Variants in RFX2 observed in about 807,000 individuals in gnomAD.
RFX2 encodes the protein DNA-binding protein RFX2.
RFX2 carries 20 observed loss-of-function variants against 87.8 expected under a neutral mutation model. The ratio of observed to expected loss-of-function variants is 0.23; its 90% CI spans 0.16 to 0.33. The LOEUF (loss-of-function observed/expected upper bound fraction) is 0.33. Among genes scored for constraint, RFX2 ranks in the 10% least tolerant of loss-of-function variants. The pLI, the probability that RFX2 is intolerant of heterozygous loss-of-function variation, is 1.00. For synonymous variants in RFX2, 397 were observed against 431.3 expected (o/e 0.92, Z 0.98); for missense variants, 767 against 1,012.3 (o/e 0.76, Z 3.29).
rs919628979 is a variant in RFX2, at chr19:6,083,437, AT to A, written c.-9+26955del. On this transcript the variant is annotated intron_variant, in intron 1 of 17. Transcript: ENST00000303657. This position sits in a 1 kb window ranked among gnomAD's most constrained non-coding sequence, Gnocchi z 4.6. ...ATATCATTTTCATGTGTCACAAAATATTTTGTCTTGTTTCCAATCATTTAAA... is the reference window on the plus strand; with the variant it reads ...ATATCATTTTCATGTGTCACAAAATATTTGTCTTGTTTCCAATCATTTAAA... Among the ~76,000 whole-genome samples the A allele has an allele frequency of 4.0e-5, 6 of 151,706 alleles. No individual in the cohort carries two copies. Among genetic ancestry groups the A allele is most frequent in the African/African-American group, 1.5e-4 (6 of 41,222 alleles).
rs2086817908 is a variant in RFX2, at chr19:6,021,962, G to GT, written c.597+4200dup. Among the ~76,000 whole-genome samples the GT allele has an allele frequency of 6.6e-6, 1 of 152,146 alleles. No homozygotes were observed. Among genetic ancestry groups the GT allele is most frequent in the South Asian group, 2.1e-4 (1 of 4,830 alleles). ...TCGGGAAGTAGTCGAAGTGGAGGAG[G>GT]TGGGGGGTGCCACCTGGTTCTGGAT... On this transcript the variant is annotated intron_variant, in intron 6 of 17. Transcript: ENST00000303657. This position sits in a 1 kb window ranked among gnomAD's most constrained non-coding sequence, Gnocchi z 5.7.
chr19:6,034,196 T>A (rs936860660), intron 5 of RFX2, among the ~76,000 whole-genome samples: 2 of 150,684 alleles, frequency 1.3e-5, no homozygotes, highest in Non-Finnish European at 3.0e-5. Context: ...TCAGCCTCCT[T>A]AGTAGCTGGG....
In RFX2 at chr19:6,047,781, C is replaced by T. The variant is rs148075287; in HGVS notation, c.-8-277G>A. Among the ~76,000 whole-genome samples, 19 of 152,260 alleles carry T rather than the reference C, an allele frequency of 1.2e-4. 1 individual carries two copies. Among genetic ancestry groups the T allele is most frequent in the South Asian group, 4.1e-4 (2 of 4,820 alleles). ...TGGCAGGAATTCCTCAACAGAAGGC[C>T]GGGACACTGGCTCTGTGCCCAAGTC... On this transcript the variant is annotated intron_variant, in intron 1 of 17. Transcript: ENST00000303657. The surrounding 1 kb of genome is among the most constrained non-coding windows in gnomAD (Gnocchi z 4.2).
chr19:6,016,115 G>T lies in RFX2; in HGVS notation c.754C>A (p.Leu252Met). 1 of 1,610,864 alleles carries T rather than the reference G, an allele frequency of 6.2e-7. No homozygotes were observed. The change falls in exon 7 of 18, where the codon CTG becomes ATG. Residue 252 changes from leucine (L) to methionine (M), a missense_variant. Around this residue, in one of 2 missense-constraint regions of RFX2, gnomAD observed 621 missense variants for 873.0 expected, o/e 0.71. Transcript: ENST00000303657. This position sits in a 1 kb window ranked among gnomAD's most constrained non-coding sequence, Gnocchi z 5.4. ...GKLIRSVFMG[L>M]RTRRLGTRGN... ...CTGGTGCCCAGCCGCCGCGTTCTCA[G>T]CCCCATAAACACAGAACGGATCAGT...
Position 6,044,538 on chromosome 19 carries a change from C to T in RFX2, c.91-256G>A, listed in dbSNP as rs113791110. Among the ~76,000 whole-genome samples the T allele has an allele frequency of 0.023, 3,471 of 152,322 alleles. 138 individuals are homozygous for T. Among genetic ancestry groups the T allele is most frequent in the African/African-American group, 0.08 (3,307 of 41,556 alleles). On this transcript the variant is annotated intron_variant, in intron 2 of 17. Coordinates refer to ENST00000303657, the MANE Select transcript of RFX2 (RefSeq NM_000635.4). The surrounding 1 kb of genome is among the most constrained non-coding windows in gnomAD (Gnocchi z 5.3). ...GTGCACATACACTCAGCCCATGCAC[C>T]ACACATATGCACGAATTGTGGGCAC...
At chr19:6,029,255 G>A (rs564039967) in intron 5 of RFX2, among the ~76,000 whole-genome samples, 81 of 137,948 alleles carry the variant, frequency 5.9e-4, no homozygotes, top group African/African-American at 1.8e-3. Flanking sequence ...TATGAGGCAC[G>A]CAAAAAAAAA....
In RFX2 at chr19:6,045,193, A is replaced by C. The variant is rs2087170598; in HGVS notation, c.91-911T>G. 6.6e-6 allele frequency among the ~76,000 whole-genome samples: 1 copy of C among 152,180 alleles called. No homozygotes were observed. Among genetic ancestry groups the C allele is most frequent in the Admixed American group, 6.5e-5 (1 of 15,280 alleles). ...GTTGCAGGAGTGGAGCTAAGGATGAAGATGGTGCTAATAAGGATGCCAGCG... is the reference window on the plus strand; with the variant it reads ...GTTGCAGGAGTGGAGCTAAGGATGACGATGGTGCTAATAAGGATGCCAGCG... On this transcript the variant is annotated intron_variant, in intron 2 of 17. Transcript: ENST00000303657. The surrounding 1 kb of genome is among the most constrained non-coding windows in gnomAD (Gnocchi z 5.2).
rs182050237 is a variant in RFX2, at chr19:6,083,185, G to A, written c.-9+27208C>T. 1.4e-4 allele frequency among the ~76,000 whole-genome samples: 22 copies of A among 152,288 alleles called. No homozygotes were observed. The East Asian group carries it at 3.7e-3, about 25-fold the overall frequency. ...GCTTCCTAGAGTGCTAGAATTACAG[G>A]CATGAGCCACTGTGCCCGGCCTTCA... is the stretch of plus-strand genomic sequence containing the variant. On this transcript the variant is annotated intron_variant, in intron 1 of 17. Coordinates refer to ENST00000303657, the MANE Select transcript of RFX2 (RefSeq NM_000635.4). This position sits in a 1 kb window ranked among gnomAD's most constrained non-coding sequence, Gnocchi z 4.6.
chr19:5,999,884 T>C lies in RFX2; in HGVS notation c.1859+1931A>G, dbSNP rs567079354. Among the ~76,000 whole-genome samples the C allele has an allele frequency of 6.6e-6, 1 of 151,694 alleles. No homozygotes were observed. Among genetic ancestry groups the C allele is most frequent in the South Asian group, 2.1e-4 (1 of 4,786 alleles). On this transcript the variant is annotated intron_variant, in intron 15 of 17. Transcript: ENST00000303657. This position sits in a 1 kb window ranked among gnomAD's most constrained non-coding sequence, Gnocchi z 4.1. The stretch of plus-strand genomic sequence containing the variant: ...AGATGTTCCAGGCAAGGGGGGCAGG[T>C]GCAAAGGCCCTGAGGCAGCGTGGCC...
Position 6,044,769 on chromosome 19 carries a change from C to T in RFX2, c.91-487G>A, listed in dbSNP as rs1251787086. ...CGCCCCTCGCTTCTGCAGTATAACC[C>T]GGACTTGTTTCCATTTTCTGATGAG... On this transcript the variant is annotated intron_variant, in intron 2 of 17. Coordinates refer to ENST00000303657, the MANE Select transcript of RFX2 (RefSeq NM_000635.4). The surrounding 1 kb of genome is among the most constrained non-coding windows in gnomAD (Gnocchi z 5.3). Among the ~76,000 whole-genome samples, 3 of 152,194 alleles carry T rather than the reference C, an allele frequency of 2.0e-5. No homozygotes were observed. The highest frequency in any genetic ancestry group is 2.1e-4 in the South Asian group (1 of 4,832).
Position 6,044,360 on chromosome 19 carries a change from G to A in RFX2, c.91-78C>T, listed in dbSNP as rs1437349392. ...GGATACACACAGAATGTAAGATGCTGTTTGTCTGTTCATGTGCTTTTTATT... is the reference window on the plus strand; with the variant it reads ...GGATACACACAGAATGTAAGATGCTATTTGTCTGTTCATGTGCTTTTTATT... On this transcript the variant is annotated intron_variant, in intron 2 of 17. Coordinates refer to ENST00000303657, the MANE Select transcript of RFX2 (RefSeq NM_000635.4). The surrounding 1 kb of genome is among the most constrained non-coding windows in gnomAD (Gnocchi z 5.3). 3.3e-6 allele frequency: 3 copies of A among 911,032 alleles called. No individual in the cohort carries two copies. Among genetic ancestry groups the A allele is most frequent in the Admixed American group, 3.8e-5 (1 of 26,252 alleles). 56.4% of individuals were successfully genotyped at this position (911,032 alleles called of 1,614,324 possible). A position where few individuals can be genotyped will look rare whatever the true frequency, so the allele number is the denominator to read the frequency against.
chr19:6,042,875 G>T (rs1049267953), intron 3 of RFX2, among the ~76,000 whole-genome samples: 1 of 152,236 alleles, frequency 6.6e-6, no homozygotes, highest in Admixed American at 6.5e-5. Context: ...ACCCCAGAGG[G>T]CATCTTAGTG....
At chr19:6,070,406 C>G (rs1384787508) in intron 1 of RFX2, among the ~76,000 whole-genome samples, 3 of 151,980 alleles carry the variant, frequency 2.0e-5, no homozygotes, top group Non-Finnish European at 4.4e-5. Flanking sequence ...GTCCCCAGTC[C>G]CATTCTTCAT....
chr19:6,092,341 G>A (rs996189015), intron 1 of RFX2, among the ~76,000 whole-genome samples: 2 of 152,194 alleles, frequency 1.3e-5, no homozygotes, highest in Non-Finnish European at 2.9e-5. Context: ...GGCAGCAGGG[G>A]GTCAATGACC....
intron 1 of RFX2, among the ~76,000 whole-genome samples, chr19:6,055,876 A>T (rs1365393972): frequency 6.6e-6 from 1 of 152,252 alleles, no homozygotes; most frequent in Non-Finnish European, 1.5e-5. Flanking sequence ...ACTCTTCATG[A>T]ATAGAAAGGA....
chr19:6,002,973 G>A lies in RFX2; in HGVS notation c.1501-103C>T. On this transcript the variant is annotated intron_variant, in intron 13 of 17. Coordinates refer to ENST00000303657, the MANE Select transcript of RFX2 (RefSeq NM_000635.4). The surrounding 1 kb of genome is among the most constrained non-coding windows in gnomAD (Gnocchi z 6.7). ...GCTCAGGGACAACACAGGGAGGAGG[G>A]AGCAGGAAACAGCAACCTGGGCAGG... 2.2e-6 allele frequency: 3 copies of A among 1,364,662 alleles called. No individual in the cohort carries two copies. The highest frequency in any genetic ancestry group is 2.5e-5 in the East Asian group (1 of 40,082). The allele number at this position is 1,364,662 out of a possible 1,614,324, so 84.5% of individuals were successfully genotyped here.
Position 6,002,927 on chromosome 19 carries a change from G to A in RFX2, c.1501-57C>T, listed in dbSNP as rs958247280. Reference sequence around the variant, plus strand: ...TCGCAGGGAGAGCCTGTTCCGCTGCGCTCCTTGCAGGGGTGTGTGGGCTCA... The same window carrying A: ...TCGCAGGGAGAGCCTGTTCCGCTGCACTCCTTGCAGGGGTGTGTGGGCTCA... On this transcript the variant is annotated intron_variant, in intron 13 of 17. Coordinates refer to ENST00000303657, the MANE Select transcript of RFX2 (RefSeq NM_000635.4). The surrounding 1 kb of genome is among the most constrained non-coding windows in gnomAD (Gnocchi z 6.7). 248 of 1,543,564 alleles carry A rather than the reference G, an allele frequency of 1.6e-4. No individual in the cohort carries two copies. Among genetic ancestry groups the A allele is most frequent in the Non-Finnish European group, 2.0e-4 (234 of 1,146,756 alleles).
At chr19:6,006,460 AT>A (rs35404707) in intron 12 of RFX2, among the ~76,000 whole-genome samples, 13,803 of 108,550 alleles carry the variant, frequency 0.13, 2,375 homozygotes, top group African/African-American at 0.49. Context: ...TGCCCAGCTC[AT>A]TTTTTTTTTT....
chr19:6,047,474 G>A lies in RFX2; in HGVS notation c.23C>T (p.Ala8Val), dbSNP rs769742826. 25 of 1,608,216 alleles carry A rather than the reference G, an allele frequency of 1.6e-5. No individual in the cohort carries two copies. The highest frequency in any genetic ancestry group is 2.2e-5 in the East Asian group (1 of 44,612). Reference protein sequence around the residue: MQNSEGGADSPASVALRP... With the variant: MQNSEGGVDSPASVALRP... ...CAGAGCCACGGACGCTGGCGAATCC[G>A]CTCCACCCTCGGAATTCTGCATGCT... Residue 8 changes from alanine to valine, a missense_variant, in exon 2 of 18, where the codon GCG becomes GTG. By Grantham distance (64) the Ala-to-Val change is moderately conservative (BLOSUM62 0). Transcript: ENST00000303657. This position sits in a 1 kb window ranked among gnomAD's most constrained non-coding sequence, Gnocchi z 4.2.
Sources: gnomAD v4.1 joint callset for allele counts (sites outside exome capture counted in the v4.1 genomes callset) on GRCh38, gnomAD v4.1.1 for gene constraint, gnomAD v4.1.1 regional missense constraint, Gnocchi (gnomAD v3.1) non-coding constraint, MANE v1.5 for transcripts, NCBI Gene and HGNC (gene_info 2026-07-23, HGNC 2026-07-21) for gene names.